UTP11: variants seen among roughly 807,000 people sequenced by gnomAD.
UTP11 encodes UTP11 small subunit processome component, also known as probable U3 small nucleolar RNA-associated protein 11.
In UTP11, 29 loss-of-function variants were observed where a neutral mutation model predicts 39.0. The ratio of observed to expected loss-of-function variants is 0.74; its 90% CI spans 0.55 to 1.01. The LOEUF is 1.01. Ranked by LOEUF, UTP11 falls within the 50% of genes least tolerant of loss-of-function variation. The probability of loss-of-function intolerance (pLI) is 0.00; values close to 1 mark genes in which losing one functional copy is unlikely to be tolerated. For synonymous variants in UTP11, 111 were observed against 105.0 expected (o/e 1.06, Z -0.35); for missense variants, 281 against 306.0 (o/e 0.92, Z 0.61).
intron 1 of UTP11, 81 bp from the exon 2 acceptor site, chr1:38,016,278 G>T: frequency 7.1e-7 from 1 of 1,415,614 alleles, no homozygotes; most frequent in South Asian, 1.2e-5. Flanking sequence ...AGAGACTCCT[G>T]TGCCTGTTAG....
At chr1:38,013,584 C>T (rs1163507055) in intron 1 of UTP11, among the ~76,000 whole-genome samples, 2 of 152,204 alleles carry the variant, frequency 1.3e-5, no homozygotes, top group Non-Finnish European at 2.9e-5. Flanking sequence ...CAGAAAGGCC[C>T]TTAGACATAC....
At chr1:38,023,460 A>C (rs1276306235) in intron 7 of UTP11, 85 bp from the exon 8 acceptor site, 5 of 1,176,524 alleles carry the variant, frequency 4.2e-6, no homozygotes, top group South Asian at 1.4e-5. Context: ...GGGCTGAAGC[A>C]GGTGCTAATA....
chr1:38,017,414 T>C (rs1057422168), intron 2 of UTP11: 2 of 331,312 alleles, frequency 6.0e-6, no homozygotes, highest in Non-Finnish European at 1.1e-5. Flanking sequence ...CTGAAACATA[T>C]ATAGGCTGGG....
intron 7 of UTP11, among the ~76,000 whole-genome samples, chr1:38,023,029 A>C (rs935190754): frequency 6.6e-6 from 1 of 152,140 alleles, no homozygotes; most frequent in Admixed American, 6.5e-5. Context: ...AGTGCTTTGG[A>C]ACAGCAAAGG....
intron 2 of UTP11, 116 bp downstream of exon 2, chr1:38,016,536 C>T: frequency 9.3e-7 from 1 of 1,075,838 alleles, no homozygotes; most frequent in South Asian, 1.3e-5. Flanking sequence ...GATAAAATGG[C>T]CAAAGCTCTG....
chr1:38,013,091 G>A (rs937549174), intron 1 of UTP11, among the ~76,000 whole-genome samples: 1 of 152,240 alleles, frequency 6.6e-6, no homozygotes, highest in African/African-American at 2.4e-5. Context: ...CTTTCCTTGG[G>A]GATATAAAAC....
intron 6 of UTP11, 109 bp from the exon 7 acceptor site, chr1:38,022,590 A>G (rs1188419285): frequency 8.6e-6 from 6 of 696,798 alleles, no homozygotes; most frequent in African/African-American, 1.8e-5. Flanking sequence ...CTGGTGAAAG[A>G]AGGGAGTTGA....
At chr1:38,023,459 C>T in intron 7 of UTP11, 86 bp from the exon 8 acceptor site, 10 of 1,173,244 alleles carry the variant, frequency 8.5e-6, no homozygotes, top group Non-Finnish European at 1.2e-5. Flanking sequence ...AGGGCTGAAG[C>T]AGGTGCTAAT....
At chr1:38,021,544 G>T (rs1276082716) in intron 6 of UTP11, among the ~76,000 whole-genome samples, 3 of 152,204 alleles carry the variant, frequency 2.0e-5, no homozygotes, top group Non-Finnish European at 4.4e-5. Context: ...ATTTTGTGCA[G>T]ATAGGTATAT....
At chr1:38,023,152 G>A (rs1211103657) in intron 7 of UTP11, among the ~76,000 whole-genome samples, 1 of 152,178 alleles carries the variant, frequency 6.6e-6, no homozygotes, top group Non-Finnish European at 1.5e-5. Context: ...AGACAACATT[G>A]TGTAGTTAAA....
Position 38,012,871 on chromosome 1 carries a change from A to C in UTP11, c.63+6A>C, listed in dbSNP as rs1407700737. 1.3e-5 allele frequency: 21 copies of C among 1,614,182 alleles called. No homozygotes were observed. The highest frequency in any genetic ancestry group is 1.8e-5 in the Non-Finnish European group (21 of 1,180,038). On this transcript the variant is annotated splice_donor_region_variant and intron_variant, in intron 1 of 7. Coordinates refer to ENST00000373014, the MANE Select transcript of UTP11 (RefSeq NM_016037.4). ...AACACAGAGAGCGAAGCCAGGTAGGACCATACAGGCCCCACAAGTGCTGGC... is the reference window on the plus strand; with the variant it reads ...AACACAGAGAGCGAAGCCAGGTAGGCCCATACAGGCCCCACAAGTGCTGGC...
At chr1:38,013,854 G>GC (rs1446574497) in intron 1 of UTP11, among the ~76,000 whole-genome samples, 3 of 152,162 alleles carry the variant, frequency 2.0e-5, no homozygotes, top group Non-Finnish European at 4.4e-5. Flanking sequence ...AGCTGGGACT[G>GC]CAGGTGCACA....
chr1:38,018,463 G>A lies in UTP11; in HGVS notation c.229-1G>A, dbSNP rs754797330. On this transcript the variant is annotated splice_acceptor_variant, in intron 3 of 7. Transcript: ENST00000373014. LOFTEE classifies it high-confidence loss of function. The stretch of plus-strand genomic sequence containing the variant: ...ATATATCTTTTAAATTTGGATTTTA[G>A]GATGGAGTACATATTATTAAGGAGA... 87 of 1,601,280 alleles carry A rather than the reference G, an allele frequency of 5.4e-5. No individual in the cohort carries two copies. Among genetic ancestry groups the A allele is most frequent in the Non-Finnish European group, 7.2e-5 (84 of 1,172,302 alleles).
intron 4 of UTP11, 118 bp downstream of exon 4, chr1:38,018,695 T>C (rs1646719614): frequency 1.2e-6 from 1 of 844,960 alleles, no homozygotes; most frequent in Middle Eastern, 2.9e-4. Context: ...ATTGTAATAA[T>C]GATTTAGAAG....
Position 38,019,157 on chromosome 1 carries a change from G to A in UTP11, c.436+5G>A. The A allele has an allele frequency of 6.2e-7, 1 of 1,614,024 alleles. No individual in the cohort carries two copies. Among genetic ancestry groups the A allele is most frequent in the African/African-American group, 1.3e-5 (1 of 75,028 alleles). On this transcript the variant is annotated splice_donor_5th_base_variant and intron_variant, in intron 5 of 7. Coordinates refer to ENST00000373014, the MANE Select transcript of UTP11 (RefSeq NM_016037.4). ...TTTTTGACACCAAAAAGGAAGGTAT[G>A]AAATGTTTGAAGGTTTCTGGGACAG...
Position 38,022,734 on chromosome 1 carries a change from C to G in UTP11, c.603C>G (p.Cys201Trp). The G allele has an allele frequency of 1.2e-6, 2 of 1,614,020 alleles. No homozygotes were observed. Among genetic ancestry groups the G allele is most frequent in the Non-Finnish European group, 1.7e-6 (2 of 1,179,930 alleles). ...AAGAAAGGCAAAAGCAGTATAACTG[C>G]CTGACACAGCGGATTGAACGAGAGA... ...IAKERQKQYN[C>W]LTQRIEREKK... The change falls in exon 7 of 8, where the codon TGC (cysteine) becomes TGG (tryptophan). Residue 201 changes from cysteine to tryptophan, a missense_variant. Physicochemically the swap from Cys to Trp is radical, Grantham distance 215. Coordinates refer to ENST00000373014, the MANE Select transcript of UTP11 (RefSeq NM_016037.4).
chr1:38,023,509 C>A (rs763358979), intron 7 of UTP11, 36 bp from the exon 8 acceptor site: 2 of 1,572,806 alleles, frequency 1.3e-6, no homozygotes, highest in Admixed American at 1.9e-5. Flanking sequence ...AAACCATTTC[C>A]TTCTCTTTAC....
intron 1 of UTP11, 24 bp downstream of exon 1, chr1:38,012,889 G>A (rs1042606357): frequency 4.3e-6 from 7 of 1,614,140 alleles, no homozygotes; most frequent in South Asian, 1.1e-5. Flanking sequence ...GGCCCCACAA[G>A]TGCTGGCCTT....
chr1:38,013,711 A>T (rs1409232597), intron 1 of UTP11, among the ~76,000 whole-genome samples: 1 of 151,044 alleles, frequency 6.6e-6, no homozygotes, highest in Non-Finnish European at 1.5e-5. Flanking sequence ...GCTTAATAGC[A>T]TATATCAAAC....
Sources: gnomAD v4.1 joint callset for allele counts (sites outside exome capture counted in the v4.1 genomes callset) on GRCh38, gnomAD v4.1.1 for gene constraint, MANE v1.5 for transcripts, NCBI Gene and HGNC (gene_info 2026-07-23, HGNC 2026-07-21) for gene names.